PARD3: variants seen among roughly 807,000 people sequenced by gnomAD.
PARD3 encodes the protein par-3 family cell polarity regulator.
PARD3 carries 75 observed loss-of-function variants against 155.4 expected under a neutral mutation model. That is an observed-to-expected ratio of 0.48 (90% confidence interval 0.40 to 0.58). The LOEUF (loss-of-function observed/expected upper bound fraction) is 0.58, where lower values mean the gene tolerates loss of function less well. Ranked by LOEUF, PARD3 falls within the 20% of genes least tolerant of loss-of-function variation. The pLI, the probability that PARD3 is intolerant of heterozygous loss-of-function variation, is 0.00. For missense variants in PARD3, 1,642 were observed against 1,721.7 expected (o/e 0.95, Z 0.82); for synonymous variants, 576 against 610.5 (o/e 0.94, Z 0.83).
chr10:34,171,196 C>A (rs1293293521), intron 22 of PARD3, among the ~76,000 whole-genome samples: 1 of 152,172 alleles, frequency 6.6e-6, no homozygotes, highest in East Asian at 1.9e-4. Context: ...AGCTAAAACT[C>A]AAGCTTTACT....
chr10:34,269,396 G>A (rs1955502198), intron 22 of PARD3, among the ~76,000 whole-genome samples: 1 of 152,144 alleles, frequency 6.6e-6, no homozygotes, highest in Non-Finnish European at 1.5e-5. Flanking sequence ...TTATAAAGTA[G>A]AGGTTGGTTC....
chr10:34,366,582 C>A (rs960586887), intron 12 of PARD3, among the ~76,000 whole-genome samples: 1 of 151,960 alleles, frequency 6.6e-6, no homozygotes, highest in East Asian at 1.9e-4. Flanking sequence ...ACCATCATAG[C>A]GTCACGCAGA....
At chr10:34,530,121 G>C (rs2082743299) in intron 2 of PARD3, among the ~76,000 whole-genome samples, 1 of 152,178 alleles carries the variant, frequency 6.6e-6, no homozygotes, top group Non-Finnish European at 1.5e-5. Flanking sequence ...AAGAGGAGGG[G>C]TTGGTCTTGC....
At chr10:34,632,270 C>T (rs1284336273) in intron 2 of PARD3, among the ~76,000 whole-genome samples, 4 of 152,186 alleles carry the variant, frequency 2.6e-5, no homozygotes, top group Non-Finnish European at 5.9e-5. Context: ...AAAAGAGGAC[C>T]TCAGCAGTGG....
At chr10:34,540,980 T>C (rs1488322722) in intron 2 of PARD3, among the ~76,000 whole-genome samples, 2 of 152,074 alleles carry the variant, frequency 1.3e-5, no homozygotes, top group African/African-American at 4.8e-5. Flanking sequence ...CCATAGCAAC[T>C]TTTTCAAGAT....
chr10:34,767,653 C>T (rs929423903), intron 1 of PARD3, among the ~76,000 whole-genome samples: 3 of 152,064 alleles, frequency 2.0e-5, no homozygotes. Context: ...GACTGGAGAG[C>T]AGTGGCATAA....
At chr10:34,497,318 C>A (rs192825183) in intron 3 of PARD3, among the ~76,000 whole-genome samples, 1 of 152,002 alleles carries the variant, frequency 6.6e-6, no homozygotes, top group Non-Finnish European at 1.5e-5. Flanking sequence ...ATTTATATAG[C>A]GTTTACATTG....
At chr10:34,723,296 G>A (rs1185405203) in intron 1 of PARD3, among the ~76,000 whole-genome samples, 2 of 151,910 alleles carry the variant, frequency 1.3e-5, no homozygotes, top group South Asian at 2.1e-4. Context: ...TCTGTCTGGG[G>A]GACAAAAAAG....
intron 2 of PARD3, among the ~76,000 whole-genome samples, chr10:34,630,441 CTCT>C (rs1424076800): frequency 6.8e-6 from 1 of 147,730 alleles, no homozygotes; most frequent in African/African-American, 2.6e-5. Context: ...CTCCCTCTCT[CTCT>C]TTTTTTTTTT....
intron 5 of PARD3, among the ~76,000 whole-genome samples, chr10:34,443,061 A>T (rs1002940024): frequency 2.1e-4 from 32 of 152,260 alleles, no homozygotes; most frequent in South Asian, 1.0e-3. Flanking sequence ...AGTGGAAAAA[A>T]AACAACTCTG....
chr10:34,112,550 T>C (rs2132625899), intron 24 of PARD3, among the ~76,000 whole-genome samples: 1 of 152,270 alleles, frequency 6.6e-6, no homozygotes, highest in Middle Eastern at 3.4e-3. Context: ...AATTGAGTAA[T>C]AAAACAAAGT....
At position 34,309,548 on chromosome 10, in the gene PARD3, C is replaced by CAAAAAAAA. The variant is rs1173904388; in HGVS notation, c.3065+7551_3065+7558dup. 6.7e-4 allele frequency among the ~76,000 whole-genome samples: 43 copies of CAAAAAAAA among 64,032 alleles called. 4 individuals carry two copies. The highest frequency in any genetic ancestry group is 0.02 in the Middle Eastern group (1 of 50). 42.0% of individuals were successfully genotyped at this position (64,032 alleles called of 152,430 possible). ...CTCCTGCTGAGCAAGACCCTGTCTCCAAAAAAAAAAAAAAAAAAAAAAAAA... is the reference window on the plus strand; with the variant it reads ...CTCCTGCTGAGCAAGACCCTGTCTCCAAAAAAAAAAAAAAAAAAAAAAAAAAAAAAAAA... On this transcript the variant is annotated intron_variant, in intron 20 of 24. Coordinates refer to ENST00000374788, the MANE Select transcript of PARD3 (RefSeq NM_001184785.2).
At chr10:34,805,301 G>A (rs1209148084) in intron 1 of PARD3, among the ~76,000 whole-genome samples, 1 of 152,096 alleles carries the variant, frequency 6.6e-6, no homozygotes, top group East Asian at 1.9e-4. Flanking sequence ...AGGTTGCAGT[G>A]AGCCGAGACT....
rs113945365 is a variant in PARD3, at chr10:34,703,632, A to T, written c.121-7213T>A. 9.5e-3 allele frequency among the ~76,000 whole-genome samples: 1,451 copies of T among 152,314 alleles called. 28 individuals carry two copies. Among genetic ancestry groups the T allele is most frequent in the African/African-American group, 0.033 (1,381 of 41,562 alleles). On this transcript the variant is annotated intron_variant, in intron 1 of 24. Transcript: ENST00000374788. Reference sequence around the variant, plus strand: ...CCAAAATGACATATGTTTCCACATTAAAAAGTTCCATAGAGACCCCAACAC... The same window carrying T: ...CCAAAATGACATATGTTTCCACATTTAAAAGTTCCATAGAGACCCCAACAC...
intron 20 of PARD3, among the ~76,000 whole-genome samples, chr10:34,309,548 C>CAAAAAAAAAAAAAAAAAAAAAA (rs1173904388): frequency 4.7e-5 from 3 of 64,032 alleles, no homozygotes; most frequent in African/African-American, 5.7e-5. Context: ...ACCCTGTCTC[C>CAAAAAAAAAAAAAAAAAAAAAA]AAAAAAAAAA....
intron 11 of PARD3, 106 bp from the exon 12 acceptor site, chr10:34,372,642 C>T: frequency 5.0e-6 from 4 of 806,206 alleles, no homozygotes. Flanking sequence ...TTCTTAAAAT[C>T]CACAAAATAT....
intron 12 of PARD3, among the ~76,000 whole-genome samples, chr10:34,361,106 T>C (rs1839393246): frequency 6.6e-6 from 1 of 152,252 alleles, no homozygotes; most frequent in African/African-American, 2.4e-5. Context: ...CTCAGCCTTC[T>C]GAGCTCCTCC....
intron 5 of PARD3, among the ~76,000 whole-genome samples, chr10:34,409,625 G>A (rs1406360827): frequency 6.6e-6 from 1 of 152,184 alleles, no homozygotes; most frequent in Non-Finnish European, 1.5e-5. Flanking sequence ...TGCACGAAGG[G>A]CGTCTGCACT....
intron 22 of PARD3, among the ~76,000 whole-genome samples, chr10:34,136,711 A>G (rs1457587109): frequency 6.6e-6 from 1 of 152,160 alleles, no homozygotes; most frequent in Non-Finnish European, 1.5e-5. Flanking sequence ...TCTTTCTTTA[A>G]TACCCTCTTC....
Sources: gnomAD v4.1 joint callset for allele counts (sites outside exome capture counted in the v4.1 genomes callset) on GRCh38, gnomAD v4.1.1 for gene constraint, MANE v1.5 for transcripts, NCBI Gene and HGNC (gene_info 2026-07-23, HGNC 2026-07-21) for gene names.